The following DCAF6 variants were observed in gnomAD, a reference collection of about 807,000 sequenced individuals.
DCAF6 encodes the protein DDB1 and CUL4 associated factor 6.
DCAF6 carries 54 observed loss-of-function variants against 125.1 expected under a neutral mutation model. That is an observed-to-expected ratio of 0.43 (90% CI 0.35 to 0.54). The LOEUF (loss-of-function observed/expected upper bound fraction) is 0.54. Among genes scored for constraint, DCAF6 ranks in the 20% least tolerant of loss-of-function variants. The pLI is 0.01. For missense variants in DCAF6, 934 were observed against 1,161.7 expected, an observed-to-expected ratio of 0.80 and a Z score of 2.85; for synonymous variants, 371 against 390.4, an observed-to-expected ratio of 0.95 and a Z score of 0.58.
Position 167,951,834 on chromosome 1 carries a change from A to G in DCAF6, c.132A>G (p.Glu44=). 6.2e-7 allele frequency: 1 copy of G among 1,607,046 alleles called. No individual in the cohort carries two copies. The highest frequency in any genetic ancestry group is 1.3e-5 in the African/African-American group (1 of 74,920). Residue 44 remains glutamate, a synonymous_variant, in exon 2 of 22, where the codon GAA becomes GAG. Coordinates refer to ENST00000367840, the MANE Select transcript of DCAF6 (RefSeq NM_001198956.2). The part of the protein sequence containing the change: ...RREFIQRLKL[E]ATLNVHDGCV... ...AATTTATCCAAAGATTAAAACTTGA[A>G]GCAACCCTTAATGTGCATGATGGTT...
intron 16 of DCAF6, among the ~76,000 whole-genome samples, chr1:168,049,549 A>C (rs435847): frequency 7.1e-6 from 1 of 140,150 alleles, no homozygotes; most frequent in South Asian, 2.4e-4. Context: ...GGCGTGAGCC[A>C]CCGCGCCTGG....
intron 14 of DCAF6, 91 bp from the exon 15 acceptor site, chr1:168,044,494 T>G (rs1688917832): frequency 1.2e-6 from 1 of 813,040 alleles, no homozygotes; most frequent in South Asian, 1.5e-5. Context: ...TATGAGGGAC[T>G]TGAGGAGCTG....
chr1:167,906,376 A>G, the DCAF6 span, among the ~76,000 whole-genome samples: 2 of 151,872 alleles, frequency 1.3e-5, no homozygotes. Context: ...AAAAAAAAAA[A>G]GGGTAGCATT....
At chr1:167,904,110 CAG>C in the DCAF6 span, 4 of 563,258 alleles carry the variant, frequency 7.1e-6, no homozygotes, top group African/African-American at 4.9e-5. Flanking sequence ...TTTTTTGAGA[CAG>C]AGTCTTGCTT....
intron 13 of DCAF6, among the ~76,000 whole-genome samples, chr1:168,039,673 TTAA>T (rs1688257399): frequency 6.8e-6 from 1 of 147,404 alleles, no homozygotes; most frequent in African/African-American, 2.5e-5. Context: ...AATTAATATA[TTAA>T]TATATTAATA....
intron 18 of DCAF6, among the ~76,000 whole-genome samples, chr1:168,064,306 TAC>T: frequency 6.6e-6 from 1 of 152,156 alleles, no homozygotes; most frequent in Non-Finnish European, 1.5e-5. Flanking sequence ...TACAAGTTTC[TAC>T]ACCCAGTGTA....
intron 2 of DCAF6, among the ~76,000 whole-genome samples, chr1:167,962,885 G>A (rs1254809383): frequency 1.3e-5 from 2 of 152,204 alleles, no homozygotes; most frequent in Admixed American, 1.3e-4. Context: ...AACCCAGGAG[G>A]CAGAGGGTTG....
At chr1:167,898,889 A>G in the DCAF6 span, among the ~76,000 whole-genome samples, 7 of 151,982 alleles carry the variant, frequency 4.6e-5, no homozygotes, top group Non-Finnish European at 8.8e-5. Flanking sequence ...TTAATTGTCC[A>G]TATCCCAGGG....
At chr1:167,886,554 G>T in the DCAF6 span, among the ~76,000 whole-genome samples, 2 of 152,008 alleles carry the variant, frequency 1.3e-5, no homozygotes, top group Non-Finnish European at 2.9e-5. Flanking sequence ...AATTCAAGAT[G>T]GATTAAAGAC....
rs77040559 is a variant in DCAF6 at position 167,952,672 on chromosome 1, C to T, written c.159+811C>T. On this transcript the variant is annotated intron_variant, in intron 2 of 21. Coordinates refer to ENST00000367840, the MANE Select transcript of DCAF6 (RefSeq NM_001198956.2). ...TTCACATGTTGGTTGCACGAAGACC[C>T]TGTCTTGGTATCTCCCACCCTCTTT... Among the ~76,000 whole-genome samples, 693 of 152,272 alleles carry T rather than the reference C, an allele frequency of 4.6e-3. 8 individuals are homozygous for T. In the East Asian group the frequency reaches 0.057, roughly 13 times the overall value.
chr1:168,011,418 G>A (rs1684268415), intron 10 of DCAF6, among the ~76,000 whole-genome samples: 1 of 152,056 alleles, frequency 6.6e-6, no homozygotes, highest in African/African-American at 2.4e-5. Context: ...GCCCGACCCA[G>A]AATTTTTTAA....
the DCAF6 span, chr1:167,901,626 A>T: frequency 1.9e-6 from 3 of 1,608,156 alleles, no homozygotes; most frequent in Non-Finnish European, 2.6e-6. Flanking sequence ...ACCCTATCCC[A>T]GCTGCCGTAG....
chr1:168,038,865 T>C (rs894888764), intron 13 of DCAF6, among the ~76,000 whole-genome samples: 1 of 152,078 alleles, frequency 6.6e-6, no homozygotes. Context: ...TAGGTGTATA[T>C]GTATGATTTT....
chr1:167,867,822 C>T, the DCAF6 span, among the ~76,000 whole-genome samples: 4 of 151,748 alleles, frequency 2.6e-5, no homozygotes, highest in Non-Finnish European at 5.9e-5. Context: ...ATATCTGCCA[C>T]GAATTAAGCT....
At chr1:167,943,529 T>C (rs1045724924) in intron 1 of DCAF6, among the ~76,000 whole-genome samples, 7 of 152,236 alleles carry the variant, frequency 4.6e-5, no homozygotes, top group Admixed American at 2.0e-4. Context: ...TTTTACTTTT[T>C]ATTTGTACAA....
At chr1:167,913,036 T>C in the DCAF6 span, among the ~76,000 whole-genome samples, 1 of 152,228 alleles carries the variant, frequency 6.6e-6, no homozygotes, top group Non-Finnish European at 1.5e-5. Context: ...ACAAAAGATG[T>C]AGGTTTAATT....
upstream of DCAF6, among the ~76,000 whole-genome samples, chr1:167,935,359 TAG>T (rs1424656967): frequency 1.3e-5 from 2 of 152,176 alleles, no homozygotes; most frequent in Non-Finnish European, 2.9e-5. Flanking sequence ...CAGCTCTGCC[TAG>T]AGTGGGTTAA....
At chr1:167,874,804 A>G in the DCAF6 span, among the ~76,000 whole-genome samples, 8 of 152,244 alleles carry the variant, frequency 5.3e-5, no homozygotes, top group Non-Finnish European at 7.3e-5. Context: ...AATTACAGCT[A>G]CACCCAACAA....
chr1:167,971,277 A>G (rs944084082), intron 3 of DCAF6, among the ~76,000 whole-genome samples: 6 of 152,064 alleles, frequency 3.9e-5, no homozygotes, highest in African/African-American at 1.4e-4. Flanking sequence ...GGATAACTCT[A>G]TTATTATATT....
Sources: gnomAD v4.1 joint callset for allele counts (sites outside exome capture counted in the v4.1 genomes callset) on GRCh38, gnomAD v4.1.1 for gene constraint, MANE v1.5 for transcripts, NCBI Gene and HGNC (gene_info 2026-07-23, HGNC 2026-07-21) for gene names.